Variants in FHDC1 observed in about 807,000 individuals in gnomAD.
FHDC1 encodes the protein FH2 domain-containing protein 1.
In FHDC1, 25 loss-of-function variants were observed where a neutral mutation model predicts 52.6. The ratio of observed to expected loss-of-function variants is 0.48; its 90% CI spans 0.35 to 0.66. The LOEUF is 0.66. FHDC1 is among the 30% of genes least tolerant of loss of function. The pLI is 0.01. For synonymous variants in FHDC1, 616 were observed against 581.5 expected, an observed-to-expected ratio of 1.06 and a Z score of -0.85; for missense variants, 1,459 against 1,452.8, an observed-to-expected ratio of 1.00 and a Z score of -0.07.
upstream of FHDC1, among the ~76,000 whole-genome samples, chr4:152,935,458 G>GA (rs938504195): frequency 1.1e-3 from 169 of 149,414 alleles, no homozygotes; most frequent in African/African-American, 3.6e-3. Flanking sequence ...TCACTTTGAA[G>GA]AAAAAAAAAA....
At chr4:152,937,809 G>T (rs950569870) in intron 1 of FHDC1, among the ~76,000 whole-genome samples, 2 of 152,122 alleles carry the variant, frequency 1.3e-5, no homozygotes, top group African/African-American at 4.8e-5. Flanking sequence ...GCCCACTCGC[G>T]TTCAGTTTGC....
At chr4:152,957,112 GC>G (rs1279408560) in intron 4 of FHDC1, among the ~76,000 whole-genome samples, 2 of 152,172 alleles carry the variant, frequency 1.3e-5, no homozygotes, top group Non-Finnish European at 2.9e-5. Context: ...AGGAGACAGG[GC>G]CAAATAAGAG....
intron 1 of FHDC1, among the ~76,000 whole-genome samples, chr4:152,940,331 CTG>C (rs1409686719): frequency 5.3e-5 from 8 of 152,244 alleles, no homozygotes; most frequent in Admixed American, 1.3e-4. Context: ...ACCAGGGACA[CTG>C]TTGTACATTT....
intron 4 of FHDC1, among the ~76,000 whole-genome samples, chr4:152,956,117 C>G (rs1045055766): frequency 6.6e-6 from 1 of 152,212 alleles, no homozygotes; most frequent in Non-Finnish European, 1.5e-5. Flanking sequence ...TTAATCTTTT[C>G]TGTAAAGGAT....
At chr4:152,940,840 T>A (rs1316292340) in intron 1 of FHDC1, among the ~76,000 whole-genome samples, 1 of 152,140 alleles carries the variant, frequency 6.6e-6, no homozygotes, top group Non-Finnish European at 1.5e-5. Context: ...AAAAGAAGAG[T>A]TCAGATATAA....
intron 1 of FHDC1, among the ~76,000 whole-genome samples, chr4:152,937,596 C>G (rs931142852): frequency 6.6e-6 from 1 of 151,678 alleles, no homozygotes. Context: ...CTGCGGAAGG[C>G]CGAGGGTCGT....
chr4:152,943,240 C>A lies in FHDC1; in HGVS notation c.183C>A (p.Pro61=). The change falls in exon 2 of 12, where the codon CCC becomes CCA. Residue 61 remains proline (P), a synonymous_variant. Transcript: ENST00000511601. The stretch of plus-strand genomic sequence containing the variant: ...AGTGTCCTTCCTCCCCTCCTCCACC[C>A]CCACCACCTCCACTTCCTGGGGAGC... The part of the protein sequence containing the change: ...REECPSSPPP[P]PPPPLPGEPP... The A allele has an allele frequency of 1.2e-6, 2 of 1,608,124 alleles. No individual in the cohort carries two copies. The highest frequency in any genetic ancestry group is 1.7e-6 in the Non-Finnish European group (2 of 1,177,002).
chr4:152,936,318 C>G (rs1044022011), upstream of FHDC1: 14 of 152,236 alleles, frequency 9.2e-5, no homozygotes, highest in African/African-American at 3.1e-4. Flanking sequence ...GTTGGCTGGG[C>G]CTGCAGTGAC....
chr4:152,927,665 A>G, the FHDC1 span: 4 of 1,587,138 alleles, frequency 2.5e-6, no homozygotes, highest in Non-Finnish European at 2.6e-6. Flanking sequence ...GGAACAGTTC[A>G]AATTCAAAAA....
At chr4:152,955,955 C>T (rs1279347094) in intron 4 of FHDC1, among the ~76,000 whole-genome samples, 1 of 152,206 alleles carries the variant, frequency 6.6e-6, no homozygotes, top group Non-Finnish European at 1.5e-5. Flanking sequence ...CGCTCTCTCT[C>T]CCTCAGGTTT....
intron 8 of FHDC1, among the ~76,000 whole-genome samples, chr4:152,964,204 T>C (rs1249968093): frequency 1.3e-5 from 2 of 152,228 alleles, no homozygotes; most frequent in Non-Finnish European, 2.9e-5. Context: ...TGGCCTATGG[T>C]GAGCTCTCCA....
At chr4:152,951,271 A>T (rs548436865) in intron 2 of FHDC1, among the ~76,000 whole-genome samples, 1 of 152,292 alleles carries the variant, frequency 6.6e-6, no homozygotes, top group African/African-American at 2.4e-5. Context: ...TAATGAACCC[A>T]GTTTTCTGTC....
rs1739614586 is a variant in FHDC1, at chr4:152,942,942, A to G, written c.-116A>G. ...TATCTTGCTAGGTTTGGAAGAGGAC[A>G]GTTGCCCTTTATTCTGGCGGCAGAT... On this transcript the variant is annotated 5_prime_UTR_variant, in exon 2 of 12. Transcript: ENST00000511601. The G allele has an allele frequency of 2.7e-6, 3 of 1,106,560 alleles. No homozygotes were observed. The highest frequency in any genetic ancestry group is 3.9e-6 in the Non-Finnish European group (3 of 768,030). 68.5% of individuals were successfully genotyped at this position (1,106,560 alleles called of 1,614,324 possible).
chr4:152,940,222 C>T (rs369614076), intron 1 of FHDC1, among the ~76,000 whole-genome samples: 1 of 152,230 alleles, frequency 6.6e-6, no homozygotes, highest in Non-Finnish European at 1.5e-5. Flanking sequence ...AAAGCATTAG[C>T]GTCTTGGCTA....
intron 8 of FHDC1, among the ~76,000 whole-genome samples, chr4:152,964,022 G>A (rs1436208729): frequency 6.6e-6 from 1 of 152,028 alleles, no homozygotes; most frequent in Non-Finnish European, 1.5e-5. Context: ...AACAGGACAG[G>A]ACTGGGAGAT....
intron 10 of FHDC1, among the ~76,000 whole-genome samples, chr4:152,968,489 G>A (rs1054894492): frequency 1.3e-5 from 2 of 151,988 alleles, no homozygotes; most frequent in African/African-American, 4.8e-5. Context: ...ACCACACCTG[G>A]CTAATTTTTG....
intron 4 of FHDC1, among the ~76,000 whole-genome samples, chr4:152,955,003 T>A (rs983016401): frequency 1.2e-4 from 19 of 152,142 alleles, no homozygotes; most frequent in African/African-American, 4.6e-4. Context: ...GGGAGCTCAA[T>A]AAATTCTCAT....
chr4:152,938,013 C>G (rs947587724), intron 1 of FHDC1, among the ~76,000 whole-genome samples: 4 of 152,154 alleles, frequency 2.6e-5, no homozygotes, highest in African/African-American at 9.7e-5. Flanking sequence ...TCCCAGGACC[C>G]CCCAGGCCGA....
intron 2 of FHDC1, among the ~76,000 whole-genome samples, chr4:152,952,776 A>G (rs1401886821): frequency 6.6e-6 from 1 of 152,186 alleles, no homozygotes; most frequent in East Asian, 1.9e-4. Flanking sequence ...CTTTACAGAT[A>G]CTTCTCAACT....
Sources: gnomAD v4.1 joint callset for allele counts (sites outside exome capture counted in the v4.1 genomes callset) on GRCh38, gnomAD v4.1.1 for gene constraint, MANE v1.5 for transcripts, NCBI Gene and HGNC (gene_info 2026-07-23, HGNC 2026-07-21) for gene names.